The following TCF12 variants were observed in gnomAD, a reference collection of about 807,000 sequenced individuals.
TCF12 encodes transcription factor 12, also known as DNA-binding protein HTF4.
In TCF12, 45 loss-of-function variants were observed where a neutral mutation model predicts 86.0. That is an observed-to-expected ratio of 0.52 (90% CI 0.41 to 0.67). The LOEUF (loss-of-function observed/expected upper bound fraction) is 0.67, where lower values mean the gene tolerates loss of function less well. Among genes scored for constraint, TCF12 ranks in the 30% least tolerant of loss-of-function variants. The pLI is 0.00. For missense variants in TCF12, 881 were observed against 859.9 expected (o/e 1.02, Z -0.31); for synonymous variants, 330 against 299.6 (o/e 1.10, Z -1.05).
At chr15:57,042,411 A>C (rs1228221707) in intron 3 of TCF12, among the ~76,000 whole-genome samples, 12 of 151,722 alleles carry the variant, frequency 7.9e-5, no homozygotes, top group African/African-American at 2.4e-4. Flanking sequence ...AAAAAACGTG[A>C]TTTTCCTGCT....
At chr15:56,972,572 A>G (rs1412828305) in intron 3 of TCF12, among the ~76,000 whole-genome samples, 1 of 152,206 alleles carries the variant, frequency 6.6e-6, no homozygotes, top group Non-Finnish European at 1.5e-5. Context: ...ATAAGATAAT[A>G]TACATCTGTC....
Position 57,236,709 on chromosome 15 carries a change from G to C in TCF12, c.1035+2602G>C, listed in dbSNP as rs2059394396. Among the ~76,000 whole-genome samples the C allele has an allele frequency of 2.0e-5, 3 of 152,222 alleles. No individual in the cohort carries two copies. The South Asian group carries it at 6.2e-4, about 32-fold the overall frequency. On this transcript the variant is annotated intron_variant, in intron 12 of 20. Coordinates refer to ENST00000333725, the MANE Select transcript of TCF12 (RefSeq NM_207037.2). ...AAGGCCAGATAATGCATTTGCAAAG[G>C]TTCCTTTATTTTAGGTTTAAGCCTG...
chr15:57,077,393 T>TTTTTTTG, intron 4 of TCF12, among the ~76,000 whole-genome samples: 1 of 143,142 alleles, frequency 7.0e-6, no homozygotes, highest in Admixed American at 7.3e-5. Context: ...TTTTTTTTTT[T>TTTTTTTG]TGGCAAGGCT....
At chr15:57,139,075 G>A (rs1323667322) in intron 5 of TCF12, among the ~76,000 whole-genome samples, 1 of 152,072 alleles carries the variant, frequency 6.6e-6, no homozygotes, top group Non-Finnish European at 1.5e-5. Context: ...TATTTAGACT[G>A]TCCCAAACAC....
intron 6 of TCF12, among the ~76,000 whole-genome samples, chr15:57,181,326 G>A (rs565863521): frequency 1.3e-4 from 19 of 151,858 alleles, no homozygotes; most frequent in African/African-American, 4.1e-4. Context: ...CGAGGCTTAA[G>A]CAGTCCTCCT....
chr15:56,953,339 G>A (rs975793005), intron 3 of TCF12, among the ~76,000 whole-genome samples: 3 of 151,954 alleles, frequency 2.0e-5, no homozygotes, highest in Admixed American at 6.6e-5. Flanking sequence ...TGACATCAGT[G>A]TAATGCTGGA....
intron 14 of TCF12, 65 bp downstream of exon 14, chr15:57,251,488 G>C (rs1371872541): frequency 5.4e-6 from 8 of 1,493,682 alleles, no homozygotes; most frequent in Non-Finnish European, 7.4e-6. Context: ...TGGTCAATCT[G>C]GCATAACAAT....
At chr15:57,243,262 C>T (rs1237615886) in intron 12 of TCF12, among the ~76,000 whole-genome samples, 5 of 152,070 alleles carry the variant, frequency 3.3e-5, no homozygotes, top group African/African-American at 1.2e-4. Context: ...CTATTTTATT[C>T]CTCTCGTATT....
chr15:57,234,955 C>G (rs1172592273), intron 12 of TCF12, among the ~76,000 whole-genome samples: 3 of 152,122 alleles, frequency 2.0e-5, no homozygotes, highest in Non-Finnish European at 2.9e-5. Context: ...TGTTGCCATT[C>G]ATGGAGAAGG....
At chr15:57,074,884 A>C (rs1382914307) in intron 4 of TCF12, among the ~76,000 whole-genome samples, 6 of 152,210 alleles carry the variant, frequency 3.9e-5, no homozygotes, top group Non-Finnish European at 8.8e-5. Context: ...AAGAGACCTA[A>C]ATTAGCTTAT....
intron 19 of TCF12, among the ~76,000 whole-genome samples, chr15:57,281,059 C>G (rs1249040520): frequency 1.3e-5 from 2 of 150,598 alleles, no homozygotes; most frequent in African/African-American, 4.9e-5. Context: ...GGTTTTTGAT[C>G]TGATGGATAT....
chr15:56,967,512 A>T (rs778773497), intron 3 of TCF12, among the ~76,000 whole-genome samples: 1 of 152,088 alleles, frequency 6.6e-6, no homozygotes, highest in Non-Finnish European at 1.5e-5. Flanking sequence ...CTGTTTGTGT[A>T]TCTGTTTAAT....
intron 12 of TCF12, among the ~76,000 whole-genome samples, chr15:57,234,956 A>G (rs1762445313): frequency 6.6e-6 from 1 of 152,178 alleles, no homozygotes; most frequent in Non-Finnish European, 1.5e-5. Flanking sequence ...GTTGCCATTC[A>G]TGGAGAAGGC....
At chr15:57,012,055 G>C (rs1328758207) in intron 3 of TCF12, among the ~76,000 whole-genome samples, 1 of 151,992 alleles carries the variant, frequency 6.6e-6, no homozygotes. Flanking sequence ...TAAATTTCAG[G>C]ACAGCATTTT....
intron 6 of TCF12, among the ~76,000 whole-genome samples, chr15:57,191,263 A>G (rs973951988): frequency 4.9e-4 from 75 of 152,172 alleles, no homozygotes; most frequent in Non-Finnish European, 4.7e-4. Context: ...CAGGAGTTCA[A>G]GACCAGCCTG....
chr15:57,271,320 T>A (rs2061132118), intron 18 of TCF12, among the ~76,000 whole-genome samples: 1 of 152,172 alleles, frequency 6.6e-6, no homozygotes, highest in African/African-American at 2.4e-5. Context: ...CCTGCCAAAG[T>A]TAGGCATCCC....
intron 5 of TCF12, among the ~76,000 whole-genome samples, chr15:57,136,870 T>G (rs2052558295): frequency 6.6e-6 from 1 of 151,564 alleles, no homozygotes; most frequent in African/African-American, 2.4e-5. Context: ...AGGCTGGTCT[T>G]GAACTCTTAG....
chr15:57,147,981 A>G (rs1310591591), intron 5 of TCF12, among the ~76,000 whole-genome samples: 3 of 151,406 alleles, frequency 2.0e-5, no homozygotes, highest in Admixed American at 6.6e-5. Flanking sequence ...CCTGGACTCA[A>G]CAATCCTCTC....
At position 57,085,214 on chromosome 15, in the gene TCF12, A is replaced by G. The variant is rs969344486; in HGVS notation, c.223-6575A>G. 2.0e-5 allele frequency among the ~76,000 whole-genome samples: 3 copies of G among 152,330 alleles called. No homozygotes were observed. In the South Asian group the frequency reaches 6.2e-4, roughly 32 times the overall value. ...TTCATTACACACAAAATTCTATGCTAGTCTCTTTTTGGATTATGAAGAGGA... is the reference window on the plus strand; with the variant it reads ...TTCATTACACACAAAATTCTATGCTGGTCTCTTTTTGGATTATGAAGAGGA... On this transcript the variant is annotated intron_variant, in intron 4 of 20. Transcript: ENST00000333725.
Sources: allele counts gnomAD v4.1 joint callset (sites outside exome capture counted in the v4.1 genomes callset), GRCh38; gene constraint gnomAD v4.1.1; transcripts MANE v1.5; gene names NCBI Gene and HGNC (gene_info 2026-07-23, HGNC 2026-07-21).